LCA5: variants seen among roughly 807,000 people sequenced by gnomAD.
The protein encoded by LCA5 is lebercilin.
In LCA5, 37 loss-of-function variants were observed where a neutral mutation model predicts 53.0. The ratio of observed to expected loss-of-function variants is 0.70; its 90% CI spans 0.54 to 0.92. The LOEUF (loss-of-function observed/expected upper bound fraction) is 0.92, where lower values mean the gene tolerates loss of function less well. Among genes scored for constraint, LCA5 ranks in the 40% least tolerant of loss-of-function variants. The probability of loss-of-function intolerance (pLI) is 0.00; values close to 1 mark genes in which losing one functional copy is unlikely to be tolerated. For synonymous variants in LCA5, 303 were observed against 282.9 expected, an observed-to-expected ratio of 1.07 and a Z score of -0.71; for missense variants, 806 against 790.5, an observed-to-expected ratio of 1.02 and a Z score of -0.23.
rs1766831385 is a variant in LCA5 at position 79,527,661 on chromosome 6, G to T, written c.-191-8576C>A. On this transcript the variant is annotated intron_variant, in intron 1 of 7. Transcript: ENST00000369846. ...TAACTCCGAGCTGGAGACCCTTAAA[G>T]AATAAACTACATCTGTCCAAGGGCT... Among the ~76,000 whole-genome samples, 6 of 152,282 alleles carry T rather than the reference G, an allele frequency of 3.9e-5. No individual in the cohort carries two copies. In the South Asian group the frequency reaches 1.2e-3, roughly 32 times the overall value.
At chr6:79,488,725 T>G (rs1019764788) in intron 7 of LCA5, 3 of 380,494 alleles carry the variant, frequency 7.9e-6, no homozygotes, top group African/African-American at 4.2e-5. Flanking sequence ...CACTTTAACT[T>G]TGAAACTACT....
rs921874183 is a variant in LCA5 at position 79,497,445 on chromosome 6, C to T, written c.721-3695G>A. On this transcript the variant is annotated intron_variant, in intron 3 of 7. Coordinates refer to ENST00000369846, the MANE Select transcript of LCA5 (RefSeq NM_001122769.3). ...TAATATCACCTATTCAGTATTCTCA[C>T]CAAAAATACAAAAACCTCATCTATA... is the stretch of plus-strand genomic sequence containing the variant. Among the ~76,000 whole-genome samples the T allele has an allele frequency of 6.6e-5, 10 of 152,078 alleles. No individual in the cohort carries two copies. The East Asian group carries it at 1.4e-3, about 21-fold the overall frequency.
intron 4 of LCA5, 77 bp downstream of exon 4, chr6:79,493,536 G>A (rs9443675): frequency 0.15 from 199,678 of 1,303,262 alleles, 16,089 homozygotes; most frequent in East Asian, 0.22. Context: ...AATATGAATA[G>A]TAACATTTAG....
In LCA5 at chr6:79,489,175, C is replaced by T. The variant is rs1262312168; in HGVS notation, c.1140G>A (p.Gly380=). 6.2e-7 allele frequency: 1 copy of T among 1,612,628 alleles called. No homozygotes were observed. Among genetic ancestry groups the T allele is most frequent in the African/African-American group, 1.3e-5 (1 of 74,972 alleles). Residue 380 remains glycine (G), a synonymous_variant, in exon 7 of 8, where the codon GGG becomes GGA. Transcript: ENST00000369846. ...CTCTTTCCATAATTGGGTTTAGAATCCCTGCTTCTCCATGCCTGTCTTGCT... is the reference window on the plus strand; with the variant it reads ...CTCTTTCCATAATTGGGTTTAGAATTCCTGCTTCTCCATGCCTGTCTTGCT... The part of the protein sequence containing the change: ...SQKQDRHGEA[G]ILNPIMEREE...
chr6:79,509,314 C>T (rs921967412), intron 3 of LCA5, among the ~76,000 whole-genome samples: 1 of 151,888 alleles, frequency 6.6e-6, no homozygotes, highest in Non-Finnish European at 1.5e-5. Flanking sequence ...ATTAGCCGGG[C>T]ATGGTTGTGT....
chr6:79,508,338 T>C (rs1352534456), intron 3 of LCA5, among the ~76,000 whole-genome samples: 1 of 152,148 alleles, frequency 6.6e-6, no homozygotes, highest in African/African-American at 2.4e-5. Flanking sequence ...CGTTCGTAAA[T>C]TACTAAGATT....
Position 79,525,150 on chromosome 6 carries a change from G to T in LCA5, c.-191-6065C>A, listed in dbSNP as rs79765454. 8 of 151,872 alleles carry T rather than the reference G, an allele frequency of 5.3e-5. No individual in the cohort carries two copies. In the East Asian group the frequency reaches 1.5e-3, roughly 29 times the overall value. 9.4% of individuals were successfully genotyped at this position (151,872 alleles called of 1,614,324 possible). ...ACATTTTCTGTTTAAAGTCTCTTCT[G>T]ATCCAAGAATTACCTCTGCTTCATG... On this transcript the variant is annotated intron_variant, in intron 1 of 7. Coordinates refer to ENST00000369846, the MANE Select transcript of LCA5 (RefSeq NM_001122769.3).
intron 2 of LCA5, among the ~76,000 whole-genome samples, chr6:79,515,929 G>T (rs1441584823): frequency 6.6e-6 from 1 of 152,018 alleles, no homozygotes; most frequent in African/African-American, 2.4e-5. Context: ...ATCCATTATG[G>T]TAGCCACTGC....
intron 2 of LCA5, among the ~76,000 whole-genome samples, chr6:79,515,782 T>C (rs1445292219): frequency 6.6e-6 from 1 of 152,108 alleles, no homozygotes; most frequent in Non-Finnish European, 1.5e-5. Context: ...ATTAAAAAGA[T>C]AAAAGATTTT....
At chr6:79,513,105 A>G in intron 3 of LCA5, 107 bp downstream of exon 3, 2 of 1,120,276 alleles carry the variant, frequency 1.8e-6, no homozygotes, top group African/African-American at 1.5e-5. Flanking sequence ...AATAGTTTTC[A>G]TTTCCAAGCA....
At chr6:79,498,384 TC>T (rs1028423989) in intron 3 of LCA5, among the ~76,000 whole-genome samples, 4 of 151,048 alleles carry the variant, frequency 2.6e-5, no homozygotes, top group South Asian at 4.2e-4. Flanking sequence ...AAAAATCCTA[TC>T]CCCCCCTAGA....
At chr6:79,491,239 T>C (rs754220106) in intron 6 of LCA5, among the ~76,000 whole-genome samples, 1 of 152,044 alleles carries the variant, frequency 6.6e-6, no homozygotes, top group African/African-American at 2.4e-5. Context: ...GCACCTGAAA[T>C]AGGTGATGTA....
At chr6:79,536,911 C>T (rs141833637) in intron 1 of LCA5, among the ~76,000 whole-genome samples, 8 of 152,294 alleles carry the variant, frequency 5.3e-5, no homozygotes, top group African/African-American at 1.9e-4. Context: ...TTCCCAGTCC[C>T]CCCAGTGCCG....
intron 1 of LCA5, among the ~76,000 whole-genome samples, chr6:79,520,255 C>T (rs9448738): frequency 0.18 from 27,091 of 151,538 alleles, 2,461 homozygotes; most frequent in East Asian, 0.22. Flanking sequence ...CATGAAGCTA[C>T]TGATAATGTT....
intron 3 of LCA5, among the ~76,000 whole-genome samples, chr6:79,496,499 C>T (rs180742136): frequency 7.9e-4 from 120 of 151,944 alleles, no homozygotes; most frequent in African/African-American, 2.4e-3. Context: ...TACCACTTAG[C>T]AATAAAAAAG....
intron 1 of LCA5, among the ~76,000 whole-genome samples, chr6:79,523,795 C>T (rs574249447): frequency 6.6e-6 from 1 of 152,210 alleles, no homozygotes; most frequent in East Asian, 1.9e-4. Flanking sequence ...CTCCCTGCCC[C>T]CCCTCAAATA....
At chr6:79,504,119 A>G (rs1770215515) in intron 3 of LCA5, among the ~76,000 whole-genome samples, 1 of 152,210 alleles carries the variant, frequency 6.6e-6, no homozygotes, top group South Asian at 2.1e-4. Flanking sequence ...CTTTGATCCA[A>G]GAACAACTAT....
chr6:79,534,516 C>G (rs1281457580), intron 1 of LCA5, among the ~76,000 whole-genome samples: 1 of 151,914 alleles, frequency 6.6e-6, no homozygotes, highest in Non-Finnish European at 1.5e-5. Context: ...TAAAATACAA[C>G]TGATCCTTTA....
intron 7 of LCA5, 68 bp downstream of exon 7, chr6:79,489,016 A>C: frequency 6.4e-7 from 1 of 1,553,952 alleles, no homozygotes; most frequent in Non-Finnish European, 8.8e-7. Flanking sequence ...AGATATTAGA[A>C]GACGCTCACT....
Sources: allele counts gnomAD v4.1 joint callset (sites outside exome capture counted in the v4.1 genomes callset), GRCh38; gene constraint gnomAD v4.1.1; transcripts MANE v1.5; gene names NCBI Gene and HGNC (gene_info 2026-07-23, HGNC 2026-07-21).